Variants in NDC1 observed in about 807,000 individuals in gnomAD.
NDC1 encodes NDC1 transmembrane nucleoporin, also known as nucleoporin NDC1.
Under a neutral mutation model 89.8 loss-of-function variants are expected in NDC1, and 24 were observed. The ratio of observed to expected loss-of-function variants is 0.27; its 90% CI spans 0.19 to 0.38. NDC1 has a LOEUF of 0.38. Ranked by LOEUF, NDC1 falls within the 10% of genes least tolerant of loss-of-function variation. The pLI, the probability that NDC1 is intolerant of heterozygous loss-of-function variation, is 1.00. For synonymous variants in NDC1, 296 were observed against 284.8 expected, an observed-to-expected ratio of 1.04 and a Z score of -0.39; for missense variants, 728 against 797.6, an observed-to-expected ratio of 0.91 and a Z score of 1.05.
At chr1:53,796,581 A>T (rs924912032) in intron 13 of NDC1, 108 bp downstream of exon 13, 27 of 87,100 alleles carry the variant, frequency 3.1e-4, no homozygotes, top group East Asian at 2.2e-3. Flanking sequence ...CACGAAGCAT[A>T]AAAAAAAAAA....
chr1:53,815,841 A>C (rs1028451534), intron 6 of NDC1, among the ~76,000 whole-genome samples: 3 of 152,092 alleles, frequency 2.0e-5, no homozygotes, highest in African/African-American at 7.2e-5. Context: ...AAGAACTCAA[A>C]CCCTTTTAGA....
At chr1:53,787,664 GATAA>G (rs56823781) in intron 15 of NDC1, among the ~76,000 whole-genome samples, 144 of 146,826 alleles carry the variant, frequency 9.8e-4, no homozygotes, top group Admixed American at 2.4e-3. Context: ...TAAATAAATA[GATAA>G]ATAAATAAAT....
chr1:53,828,670 G>T (rs1648956274), intron 3 of NDC1, among the ~76,000 whole-genome samples: 2 of 151,826 alleles, frequency 1.3e-5, no homozygotes, highest in Admixed American at 1.3e-4. Flanking sequence ...GGAGTGCAGT[G>T]GCGCAATCTT....
chr1:53,809,154 T>C (rs1648213483), intron 7 of NDC1, among the ~76,000 whole-genome samples: 1 of 152,144 alleles, frequency 6.6e-6, no homozygotes, highest in South Asian at 2.1e-4. Context: ...TGCCACAGCA[T>C]TGGTATATAT....
intron 6 of NDC1, among the ~76,000 whole-genome samples, chr1:53,816,948 C>T (rs759030811): frequency 6.6e-6 from 1 of 152,094 alleles, no homozygotes; most frequent in African/African-American, 2.4e-5. Flanking sequence ...GCAATACCAC[C>T]TTACTCCTCC....
At chr1:53,836,491 C>T (rs2100701287) in intron 1 of NDC1, among the ~76,000 whole-genome samples, 1 of 152,024 alleles carries the variant, frequency 6.6e-6, no homozygotes, top group East Asian at 1.9e-4. Flanking sequence ...AACTCCTATC[C>T]CACATTCTTT....
chr1:53,803,408 T>C (rs1647989098), intron 10 of NDC1, among the ~76,000 whole-genome samples: 1 of 151,284 alleles, frequency 6.6e-6, no homozygotes, highest in African/African-American at 2.5e-5. Flanking sequence ...TGCCCTAAAA[T>C]TGTCAGTGTA....
rs555235836 is a variant in NDC1 at position 53,776,341 on chromosome 1, T to G, written c.1801-3852A>C. ...TCCAATATGGCAACCACTAGCCACA[T>G]GTAGCTATTGAGCACCTGAAATGTG... On this transcript the variant is annotated intron_variant, in intron 16 of 17. Coordinates refer to ENST00000371429, the MANE Select transcript of NDC1 (RefSeq NM_018087.5). 2.0e-5 allele frequency among the ~76,000 whole-genome samples: 3 copies of G among 152,322 alleles called. No homozygotes were observed. In the East Asian group the frequency reaches 5.8e-4, roughly 29 times the overall value.
chr1:53,831,203 C>G, intron 3 of NDC1, among the ~76,000 whole-genome samples: 1 of 150,374 alleles, frequency 6.7e-6, no homozygotes, highest in East Asian at 2.0e-4. Context: ...CCAGCCTGGG[C>G]GACAGAGCAA....
chr1:53,778,287 ACACACACACT>A (rs1174741875), intron 16 of NDC1, among the ~76,000 whole-genome samples: 1 of 151,902 alleles, frequency 6.6e-6, no homozygotes, highest in Non-Finnish European at 1.5e-5. Context: ...ACACACACAC[ACACACACACT>A]GTCACATTTT....
intron 13 of NDC1, among the ~76,000 whole-genome samples, chr1:53,793,871 T>G (rs2100647414): frequency 6.6e-6 from 1 of 151,860 alleles, no homozygotes; most frequent in Middle Eastern, 3.4e-3. Flanking sequence ...GATTACAGAC[T>G]GGAGATATTT....
Position 53,814,516 on chromosome 1 carries a change from A to T in NDC1, c.703+4455T>A, listed in dbSNP as rs550239058. Among the ~76,000 whole-genome samples, 133 of 152,308 alleles carry T rather than the reference A, an allele frequency of 8.7e-4. 1 individual carries two copies. Among genetic ancestry groups the T allele is most frequent in the African/African-American group, 3.1e-3 (128 of 41,578 alleles). ...AAAGAGTGAAAGAGCACAAACTGAC[A>T]TTCTAAGGTCACACCTCAAGGAACT... On this transcript the variant is annotated intron_variant, in intron 6 of 17. Transcript: ENST00000371429.
At chr1:53,793,965 C>G (rs1647608728) in intron 13 of NDC1, among the ~76,000 whole-genome samples, 1 of 151,304 alleles carries the variant, frequency 6.6e-6, no homozygotes, top group South Asian at 2.1e-4. Flanking sequence ...ATGTTTCTCT[C>G]ACAGGGAAAA....
intron 2 of NDC1, among the ~76,000 whole-genome samples, chr1:53,832,797 T>G (rs1649108239): frequency 6.6e-6 from 1 of 152,150 alleles, no homozygotes; most frequent in African/African-American, 2.4e-5. Flanking sequence ...GGGGGATCAC[T>G]AAGCCAGGGA....
intron 6 of NDC1, among the ~76,000 whole-genome samples, chr1:53,809,947 C>T (rs1003607977): frequency 1.3e-5 from 2 of 152,312 alleles, no homozygotes; most frequent in African/African-American, 4.8e-5. Flanking sequence ...GATATATACA[C>T]ATTTCAGTTA....
At chr1:53,788,255 T>C (rs563886742) in intron 15 of NDC1, among the ~76,000 whole-genome samples, 10 of 151,842 alleles carry the variant, frequency 6.6e-5, no homozygotes, top group Non-Finnish European at 1.2e-4. Flanking sequence ...GATCATGCCA[T>C]TGAACTCCAG....
intron 3 of NDC1, among the ~76,000 whole-genome samples, 186 bp from the exon 4 acceptor site, chr1:53,828,359 G>A (rs1648943824): frequency 6.6e-6 from 1 of 152,032 alleles, no homozygotes; most frequent in Non-Finnish European, 1.5e-5. Flanking sequence ...AGGAAAGCAT[G>A]AATAAACAGA....
At chr1:53,801,968 C>T (rs1397844650) in intron 10 of NDC1, among the ~76,000 whole-genome samples, 3 of 152,080 alleles carry the variant, frequency 2.0e-5, no homozygotes, top group African/African-American at 4.8e-5. Flanking sequence ...TGTTGAAACT[C>T]CTGACCTCAG....
At chr1:53,805,610 A>C (rs1648074189) in intron 9 of NDC1, among the ~76,000 whole-genome samples, 1 of 152,226 alleles carries the variant, frequency 6.6e-6, no homozygotes, top group African/African-American at 2.4e-5. Context: ...GATTTGTAAA[A>C]TTACTACAAC....
Sources: allele counts gnomAD v4.1 joint callset (sites outside exome capture counted in the v4.1 genomes callset), GRCh38; gene constraint gnomAD v4.1.1; transcripts MANE v1.5; gene names NCBI Gene and HGNC (gene_info 2026-07-23, HGNC 2026-07-21).